The following SEMA3A variants were observed in gnomAD, a reference collection of about 807,000 sequenced individuals.
SEMA3A encodes semaphorin-3A.
A neutral mutation model predicts 97.9 loss-of-function variants in SEMA3A; 29 were observed. The ratio of observed to expected loss-of-function variants is 0.30; its 90% CI spans 0.22 to 0.40. SEMA3A has a LOEUF of 0.40. Among genes scored for constraint, SEMA3A ranks in the 10% least tolerant of loss-of-function variants. SEMA3A has a pLI of 1.00. For synonymous variants in SEMA3A, 321 were observed against 323.7 expected (o/e 0.99, Z 0.09); for missense variants, 763 against 951.3 (o/e 0.80, Z 2.60).
chr7:84,185,802 A>C (rs1797863798), intron 1 of SEMA3A, among the ~76,000 whole-genome samples: 1 of 152,092 alleles, frequency 6.6e-6, no homozygotes, highest in Admixed American at 6.5e-5. Context: ...TGATAATAAA[A>C]GTGTTTTCTA....
At chr7:84,290,210 T>G (rs1441791753) in intron 3 of SEMA3A, among the ~76,000 whole-genome samples, 1 of 152,090 alleles carries the variant, frequency 6.6e-6, no homozygotes, top group African/African-American at 2.4e-5. Context: ...TGGCATTGTA[T>G]ACTTAAAATT....
chr7:84,138,536 C>T lies in SEMA3A; in HGVS notation c.113-3585G>A, dbSNP rs147735312. On this transcript the variant is annotated intron_variant, in intron 1 of 16. Coordinates refer to ENST00000265362, the MANE Select transcript of SEMA3A (RefSeq NM_006080.3). ...ATTACTGTTTCCTACGTACAGACAA[C>T]TTACGGAAGTTTTTGGTGGCTTATG... Among the ~76,000 whole-genome samples, 975 of 152,168 alleles carry T rather than the reference C, an allele frequency of 6.4e-3. 5 individuals are homozygous for T. Among genetic ancestry groups the T allele is most frequent in the African/African-American group, 0.022 (911 of 41,534 alleles).
intron 3 of SEMA3A, among the ~76,000 whole-genome samples, chr7:84,207,605 G>T (rs996623082): frequency 1.3e-5 from 2 of 152,182 alleles, no homozygotes; most frequent in African/African-American, 2.4e-5. Context: ...TTAGGGTAAT[G>T]AAATATGCTT....
Position 84,084,831 on chromosome 7 carries a change from A to T in SEMA3A, c.454-24273T>A, listed in dbSNP as rs139093675. On this transcript the variant is annotated intron_variant, in intron 4 of 16. Transcript: ENST00000265362. ...TGGAATTTGACCTTAATTTCCCATC[A>T]TTTAAATGTATGTTCCCTGATATGA... Among the ~76,000 whole-genome samples the T allele has an allele frequency of 3.9e-3, 597 of 152,238 alleles. 3 individuals carry two copies. The highest frequency in any genetic ancestry group is 0.014 in the African/African-American group (570 of 41,568).
intron 1 of SEMA3A, among the ~76,000 whole-genome samples, chr7:84,390,579 A>G (rs1803514603): frequency 6.6e-6 from 1 of 152,068 alleles, no homozygotes; most frequent in African/African-American, 2.4e-5. Context: ...TCAGTCTAAT[A>G]CAGTCATAAA....
At chr7:84,175,605 T>C (rs920850814) in intron 1 of SEMA3A, among the ~76,000 whole-genome samples, 1 of 152,206 alleles carries the variant, frequency 6.6e-6, no homozygotes, top group African/African-American at 2.4e-5. Flanking sequence ...GGAATTTTCT[T>C]GTAAACAAGT....
chr7:84,056,432 G>A (rs1252034400), intron 5 of SEMA3A, among the ~76,000 whole-genome samples: 1 of 152,150 alleles, frequency 6.6e-6, no homozygotes, highest in Non-Finnish European at 1.5e-5. Context: ...CACATTTCCT[G>A]ATGAAATTGC....
intron 3 of SEMA3A, among the ~76,000 whole-genome samples, chr7:84,252,388 C>G (rs1437586404): frequency 6.6e-6 from 1 of 152,144 alleles, no homozygotes; most frequent in Non-Finnish European, 1.5e-5. Flanking sequence ...CATATAAAGG[C>G]AAACCACGCA....
chr7:84,411,945 G>T (rs1804280505), intron 1 of SEMA3A, among the ~76,000 whole-genome samples: 1 of 151,938 alleles, frequency 6.6e-6, no homozygotes, highest in Admixed American at 6.6e-5. Context: ...TTCTTTTGTG[G>T]TTCTTCCTTG....
chr7:84,383,677 A>G (rs566724231), intron 1 of SEMA3A, among the ~76,000 whole-genome samples: 1 of 152,314 alleles, frequency 6.6e-6, no homozygotes, highest in Admixed American at 6.5e-5. Context: ...AAGGTATTTT[A>G]ACCAGTTCAT....
At chr7:84,366,151 C>G (rs985130118) in intron 2 of SEMA3A, among the ~76,000 whole-genome samples, 1 of 151,194 alleles carries the variant, frequency 6.6e-6, no homozygotes, top group Non-Finnish European at 1.5e-5. Context: ...CAAAGACCTC[C>G]TTCTCCATTA....
At chr7:84,311,804 T>G (rs1421450256) in intron 2 of SEMA3A, among the ~76,000 whole-genome samples, 1 of 151,962 alleles carries the variant, frequency 6.6e-6, no homozygotes, top group African/African-American at 2.4e-5. Context: ...AGTTAAGATT[T>G]TCTCCCTTTG....
chr7:84,435,254 T>TACACAC (rs34631045), intron 1 of SEMA3A, among the ~76,000 whole-genome samples: 2,345 of 148,136 alleles, frequency 0.016, 66 homozygotes, highest in African/African-American at 0.054. Context: ...GTACAACAGC[T>TACACAC]ACACACACAC....
chr7:84,182,887 T>C (rs916878589), intron 1 of SEMA3A, among the ~76,000 whole-genome samples: 11 of 152,158 alleles, frequency 7.2e-5, no homozygotes, highest in South Asian at 4.1e-4. Flanking sequence ...AAGACATTCA[T>C]GCTATTACGC....
intron 6 of SEMA3A, among the ~76,000 whole-genome samples, chr7:84,028,762 C>A (rs1231012335): frequency 6.6e-6 from 1 of 151,840 alleles, no homozygotes; most frequent in Admixed American, 6.6e-5. Flanking sequence ...GTGCCACCAC[C>A]CCCTGCTAAT....
chr7:83,989,538 A>G (rs1185049427), intron 12 of SEMA3A, among the ~76,000 whole-genome samples: 15 of 138,114 alleles, frequency 1.1e-4, no homozygotes, highest in South Asian at 7.7e-4. Context: ...TCATTGTTCA[A>G]TTCCCACCTA....
At chr7:84,111,828 G>T (rs1795283063) in intron 3 of SEMA3A, among the ~76,000 whole-genome samples, 2 of 152,106 alleles carry the variant, frequency 1.3e-5, no homozygotes, top group South Asian at 4.1e-4. Context: ...AATTGATCTT[G>T]CAAGTTGTTA....
chr7:84,117,533 G>C (rs1795471783), intron 3 of SEMA3A, among the ~76,000 whole-genome samples: 1 of 152,192 alleles, frequency 6.6e-6, no homozygotes, highest in Non-Finnish European at 1.5e-5. Context: ...TACCGCCTGA[G>C]CTCCGCCTTC....
intron 1 of SEMA3A, among the ~76,000 whole-genome samples, chr7:84,490,214 A>T: frequency 6.6e-6 from 1 of 151,670 alleles, no homozygotes; most frequent in East Asian, 1.9e-4. Flanking sequence ...AAAAAAAAAA[A>T]AAAAATTAAC....
Sources: gnomAD v4.1 joint callset for allele counts (sites outside exome capture counted in the v4.1 genomes callset) on GRCh38, gnomAD v4.1.1 for gene constraint, MANE v1.5 for transcripts, NCBI Gene and HGNC (gene_info 2026-07-23, HGNC 2026-07-21) for gene names.